RHBDD1: variants seen among roughly 807,000 people sequenced by gnomAD.
RHBDD1 encodes the protein rhomboid domain containing 1, also known as rhomboid-related protein 4.
RHBDD1 carries 38 observed loss-of-function variants against 36.3 expected under a neutral mutation model. The observed-to-expected ratio is 1.05, with a 90% CI of 0.81 to 1.37. The LOEUF (loss-of-function observed/expected upper bound fraction) is 1.37, where lower values mean the gene tolerates loss of function less well. Among genes scored for constraint, RHBDD1 ranks in the 40% most tolerant of loss-of-function variants. The pLI is 0.00. For synonymous variants in RHBDD1, 151 were observed against 136.5 expected (o/e 1.11, Z -0.74); for missense variants, 393 against 377.6 (o/e 1.04, Z -0.34).
At chr2:226,890,821 T>C (rs1396316050) in intron 5 of RHBDD1, among the ~76,000 whole-genome samples, 1 of 152,086 alleles carries the variant, frequency 6.6e-6, no homozygotes, top group Admixed American at 6.6e-5. Flanking sequence ...AAATTTAAAA[T>C]AAAATTTTTT....
chr2:226,965,332 G>A (rs539159769), intron 8 of RHBDD1, among the ~76,000 whole-genome samples: 1 of 152,320 alleles, frequency 6.6e-6, no homozygotes. Context: ...CAACCTTGAT[G>A]TCAGACTTCT....
intron 8 of RHBDD1, among the ~76,000 whole-genome samples, chr2:226,992,250 G>A (rs1218250237): frequency 1.3e-5 from 2 of 152,188 alleles, no homozygotes; most frequent in Non-Finnish European, 2.9e-5. Context: ...CTCCAACGCA[G>A]AGCACACACA....
the RHBDD1 span, chr2:226,811,166 T>C: frequency 1.3e-5 from 2 of 152,158 alleles, no homozygotes; most frequent in African/African-American, 4.8e-5. Flanking sequence ...ATTCCCTTTT[T>C]CCCCTCCTAT....
intron 8 of RHBDD1, among the ~76,000 whole-genome samples, chr2:226,923,542 C>G (rs534199942): frequency 2.6e-5 from 4 of 152,190 alleles, no homozygotes; most frequent in African/African-American, 7.2e-5. Flanking sequence ...CTGTCTTGTA[C>G]TTGAATATTG....
chr2:226,918,777 G>T (rs1949097145), intron 8 of RHBDD1, among the ~76,000 whole-genome samples: 1 of 152,024 alleles, frequency 6.6e-6, no homozygotes, highest in Non-Finnish European at 1.5e-5. Flanking sequence ...GTAAACATGG[G>T]AATATAGATA....
intron 3 of RHBDD1, among the ~76,000 whole-genome samples, chr2:226,841,191 G>A (rs1170234923): frequency 1.3e-5 from 2 of 151,930 alleles, no homozygotes; most frequent in Non-Finnish European, 2.9e-5. Context: ...GGAGTGCAGT[G>A]GTGTGATCTT....
intron 8 of RHBDD1, among the ~76,000 whole-genome samples, chr2:226,973,339 GT>G: frequency 6.6e-6 from 1 of 152,336 alleles, no homozygotes; most frequent in Non-Finnish European, 1.5e-5. Context: ...ACATTTTCCT[GT>G]GCTAGAGATG....
chr2:226,811,246 A>G, the RHBDD1 span, among the ~76,000 whole-genome samples: 1 of 152,112 alleles, frequency 6.6e-6, no homozygotes, highest in Non-Finnish European at 1.5e-5. Flanking sequence ...AGGAAGGGGA[A>G]CTACCAAAGC....
intron 3 of RHBDD1, among the ~76,000 whole-genome samples, chr2:226,855,567 A>T (rs556307130): frequency 6.6e-5 from 10 of 152,350 alleles, no homozygotes; most frequent in Non-Finnish European, 1.3e-4. Flanking sequence ...AGTTGTCATT[A>T]GAGAGATAGT....
chr2:226,901,024 C>G (rs1947541175), intron 5 of RHBDD1, among the ~76,000 whole-genome samples: 1 of 152,186 alleles, frequency 6.6e-6, no homozygotes, highest in Non-Finnish European at 1.5e-5. Context: ...CAACATCCCC[C>G]TATTTCTCCC....
chr2:226,923,838 AT>A (rs1421715628), intron 8 of RHBDD1, among the ~76,000 whole-genome samples: 4 of 151,956 alleles, frequency 2.6e-5, no homozygotes, highest in Admixed American at 2.6e-4. Context: ...TTTCTTCTTG[AT>A]TTGTTTTAAT....
chr2:226,893,890 G>C (rs561963913), intron 5 of RHBDD1, among the ~76,000 whole-genome samples: 1 of 152,164 alleles, frequency 6.6e-6, no homozygotes. Flanking sequence ...GGACATTCTT[G>C]TAAATGAAAA....
In RHBDD1 at chr2:226,864,611, C is replaced by T. The variant is rs919773888; in HGVS notation, c.-83C>T. On this transcript the variant is annotated 5_prime_UTR_variant, in exon 4 of 9. Coordinates refer to ENST00000392062, the MANE Select transcript of RHBDD1 (RefSeq NM_001167608.3). ...ATGCATTTTGTGTTTTAGGTTCAGCCGTCTGTATATCTCCCCAGATACCTG... is the reference window on the plus strand; with the variant it reads ...ATGCATTTTGTGTTTTAGGTTCAGCTGTCTGTATATCTCCCCAGATACCTG... 119 of 1,090,178 alleles carry T rather than the reference C, an allele frequency of 1.1e-4. No homozygotes were observed. In the East Asian group the frequency reaches 2.7e-3, roughly 24 times the overall value. 67.5% of individuals were successfully genotyped at this position (1,090,178 alleles called of 1,614,324 possible).
chr2:226,844,148 G>A (rs1574755667), intron 3 of RHBDD1, among the ~76,000 whole-genome samples: 1 of 152,204 alleles, frequency 6.6e-6, no homozygotes. Flanking sequence ...GTGAGAACCA[G>A]CTTCAAAAGT....
intron 6 of RHBDD1, 50 bp downstream of exon 6, chr2:226,906,931 A>G (rs1041579542): frequency 5.7e-6 from 9 of 1,590,472 alleles, no homozygotes; most frequent in Admixed American, 1.7e-5. Flanking sequence ...AGTTCATGTT[A>G]ATTTTAATGT....
chr2:226,979,986 G>A (rs527855293), intron 8 of RHBDD1, among the ~76,000 whole-genome samples: 1 of 152,318 alleles, frequency 6.6e-6, no homozygotes, highest in Admixed American at 6.5e-5. Context: ...GACAGGACGA[G>A]TGGAAGAGGA....
rs975281631 is a variant in RHBDD1, at chr2:226,995,676, C to T, written c.*154C>T. 7 of 627,360 alleles carry T rather than the reference C, an allele frequency of 1.1e-5. No individual in the cohort carries two copies. Among genetic ancestry groups the T allele is most frequent in the Non-Finnish European group, 2.0e-5 (7 of 348,842 alleles). 38.9% of individuals were successfully genotyped at this position (627,360 alleles called of 1,614,324 possible). A position where few individuals can be genotyped will look rare whatever the true frequency, so the allele number is the denominator to read the frequency against. ...CACATCACCTGGGACAGTCCCATGG[C>T]CCCTATGAGTCAACTCACAGCTTGC... On this transcript the variant is annotated 3_prime_UTR_variant, in exon 9 of 9. Transcript: ENST00000392062.
At chr2:226,955,610 A>G (rs1047343502) in intron 8 of RHBDD1, among the ~76,000 whole-genome samples, 2 of 152,218 alleles carry the variant, frequency 1.3e-5, no homozygotes, top group African/African-American at 4.8e-5. Flanking sequence ...GGCTTAAACA[A>G]CAGAAGCTTG....
intron 6 of RHBDD1, among the ~76,000 whole-genome samples, chr2:226,907,339 C>CAT (rs1948141848): frequency 1.3e-5 from 2 of 152,158 alleles, no homozygotes; most frequent in Non-Finnish European, 1.5e-5. Flanking sequence ...GTGGATGAGC[C>CAT]ATATATTCAT....
Sources: allele counts gnomAD v4.1 joint callset (sites outside exome capture counted in the v4.1 genomes callset), GRCh38; gene constraint gnomAD v4.1.1; transcripts MANE v1.5; gene names NCBI Gene and HGNC (gene_info 2026-07-23, HGNC 2026-07-21).